The following GATAD2A variants were observed in gnomAD, a reference collection of about 807,000 sequenced individuals.
GATAD2A encodes the protein transcriptional repressor p66-alpha.
GATAD2A carries 12 observed loss-of-function variants against 68.5 expected under a neutral mutation model. The observed-to-expected ratio is 0.18, with a 90% CI of 0.11 to 0.28. GATAD2A has a LOEUF of 0.28. GATAD2A is among the 10% of genes least tolerant of loss of function. GATAD2A has a pLI of 1.00. For synonymous variants in GATAD2A, 410 were observed against 375.3 expected (o/e 1.09, Z -1.07); for missense variants, 755 against 868.5 (o/e 0.87, Z 1.64).
At chr19:19,456,026 C>T (rs1207630059) in intron 1 of GATAD2A, among the ~76,000 whole-genome samples, 1 of 151,376 alleles carries the variant, frequency 6.6e-6, no homozygotes, top group Non-Finnish European at 1.5e-5. Context: ...TGGTGGTGGG[C>T]GCCTGTAGTC....
At chr19:19,424,149 C>G (rs922513543) in intron 1 of GATAD2A, among the ~76,000 whole-genome samples, 2 of 152,174 alleles carry the variant, frequency 1.3e-5, no homozygotes, top group South Asian at 4.1e-4. Flanking sequence ...GTCTTAAACT[C>G]TTGGGCTCAA....
At chr19:19,454,617 T>C (rs1269713594) in intron 1 of GATAD2A, among the ~76,000 whole-genome samples, 1 of 151,580 alleles carries the variant, frequency 6.6e-6, no homozygotes, top group African/African-American at 2.4e-5. Flanking sequence ...AAAAAATTTA[T>C]TGGAGACGAA....
rs750177518 is a variant in GATAD2A, at chr19:19,465,539, A to AGGCCAC, written c.200_205dup (p.Thr67_Ala68dup). 5 of 1,613,886 alleles carry AGGCCAC rather than the reference A, an allele frequency of 3.1e-6. No homozygotes were observed. Among genetic ancestry groups the AGGCCAC allele is most frequent in the South Asian group, 2.2e-5 (2 of 91,084 alleles). On this transcript the variant is annotated inframe_insertion, in exon 2 of 12. Coordinates refer to ENST00000683918, the MANE Select transcript of GATAD2A (RefSeq NM_001384528.1). The stretch of plus-strand genomic sequence containing the variant: ...ACCCAAGGATTGCTGAGGGCAACAG[A>AGGCCAC]GGCCACGGCCATGGCCATGGGCAGA...
At chr19:19,416,880 A>C (rs537705128) in intron 1 of GATAD2A, among the ~76,000 whole-genome samples, 2 of 147,722 alleles carry the variant, frequency 1.4e-5, no homozygotes, top group East Asian at 2.0e-4. Context: ...TCCTGCCTCA[A>C]CCTCCCAAGT....
At chr19:19,395,001 C>T (rs1340680655) in intron 1 of GATAD2A, among the ~76,000 whole-genome samples, 1 of 152,088 alleles carries the variant, frequency 6.6e-6, no homozygotes, top group Non-Finnish European at 1.5e-5. Context: ...AGAGGCAGGC[C>T]CAGGCCGGAA....
chr19:19,467,997 G>A (rs1049964515), intron 2 of GATAD2A, among the ~76,000 whole-genome samples: 1 of 152,208 alleles, frequency 6.6e-6, no homozygotes, highest in African/African-American at 2.4e-5. Flanking sequence ...ATTGAGGGTG[G>A]AGGGCAACTT....
intron 1 of GATAD2A, among the ~76,000 whole-genome samples, chr19:19,438,170 G>A (rs1012083791): frequency 6.6e-6 from 1 of 152,196 alleles, no homozygotes; most frequent in African/African-American, 2.4e-5. Context: ...ACTATTTGGG[G>A]GATGTCAGGC....
At chr19:19,412,833 G>C (rs2051127994) in intron 1 of GATAD2A, among the ~76,000 whole-genome samples, 1 of 152,114 alleles carries the variant, frequency 6.6e-6, no homozygotes, top group African/African-American at 2.4e-5. Flanking sequence ...CCTCGGAGGT[G>C]GGCAGGTTTT....
At chr19:19,403,561 TA>T (rs375757555), upstream of GATAD2A, among the ~76,000 whole-genome samples, 225 of 143,940 alleles carry the variant, frequency 1.6e-3, no homozygotes, top group Middle Eastern at 3.5e-3. Flanking sequence ...GCCTCCCTCT[TA>T]AAAAAAAAAA....
chr19:19,413,993 A>G (rs1483544176), intron 1 of GATAD2A, among the ~76,000 whole-genome samples: 1 of 151,912 alleles, frequency 6.6e-6, no homozygotes, highest in Non-Finnish European at 1.5e-5. Context: ...TCAAGTTTTT[A>G]GTGTTGAGTC....
upstream of GATAD2A, among the ~76,000 whole-genome samples, chr19:19,400,959 G>T (rs1186825752): frequency 6.6e-6 from 1 of 151,880 alleles, no homozygotes; most frequent in Non-Finnish European, 1.5e-5. Flanking sequence ...TGGCTAACAT[G>T]GCGAAACCCT....
rs572881650 is a variant in GATAD2A at position 19,482,299 on chromosome 19, G to C, written c.270-10007G>C. ...GGCGCCTGTAGTCCCAGTTACTGGA[G>C]AGACTGAGGCCGGAGAATCACTTGA... On this transcript the variant is annotated intron_variant, in intron 2 of 11. Coordinates refer to ENST00000683918, the MANE Select transcript of GATAD2A (RefSeq NM_001384528.1). Among the ~76,000 whole-genome samples, 11 of 152,334 alleles carry C rather than the reference G, an allele frequency of 7.2e-5. 1 individual carries two copies. The highest frequency in any genetic ancestry group is 2.2e-4 in the African/African-American group (9 of 41,580).
intron 1 of GATAD2A, among the ~76,000 whole-genome samples, chr19:19,419,356 G>A (rs777338865): frequency 6.6e-6 from 1 of 152,144 alleles, no homozygotes; most frequent in Admixed American, 6.5e-5. Flanking sequence ...GGACTCAGAG[G>A]CCAGGTGGCT....
In GATAD2A at chr19:19,502,473, G is replaced by A. The variant is rs1181875390; in HGVS notation, c.1721G>A (p.Ser574Asn). The A allele has an allele frequency of 6.2e-7, 1 of 1,613,596 alleles. No individual in the cohort carries two copies. Among genetic ancestry groups the A allele is most frequent in the African/African-American group, 1.3e-5 (1 of 75,058 alleles). Residue 574 changes from serine (S) to asparagine (N), a missense_variant, in exon 11 of 12, where the codon AGC becomes AAC. By Grantham distance (46) the Ser-to-Asn change is conservative. Coordinates refer to ENST00000683918, the MANE Select transcript of GATAD2A (RefSeq NM_001384528.1). ...RTGRHSERTVSAGKGSATSNW... is the reference protein window; with the variant it reads ...RTGRHSERTVNAGKGSATSNW... ...GGCAGACATTCTGAGAGAACCGTGA[G>A]CGCCGGCAAGGGCAGCGCCACCTCC...
chr19:19,436,249 A>ACCTTCCTTCCAC, intron 1 of GATAD2A: 1 of 1,230,856 alleles, frequency 8.1e-7, no homozygotes, highest in Non-Finnish European at 1.1e-6. Context: ...TGTCTGTGGA[A>ACCTTCCTTCCAC]GGAAGGTTCC....
intron 1 of GATAD2A, chr19:19,440,176 G>A (rs1379537374): frequency 2.4e-6 from 1 of 416,318 alleles, no homozygotes; most frequent in Admixed American, 2.8e-5. Context: ...AAAGAACAAT[G>A]TAAAGGAAGA....
intron 1 of GATAD2A, among the ~76,000 whole-genome samples, chr19:19,414,130 C>A (rs2051289853): frequency 1.3e-5 from 2 of 152,182 alleles, no homozygotes; most frequent in South Asian, 4.2e-4. Flanking sequence ...TTTTCTTGGG[C>A]AAGTATATTA....
chr19:19,401,130 ACT>A (rs933176396), upstream of GATAD2A, among the ~76,000 whole-genome samples: 5 of 124,196 alleles, frequency 4.0e-5, no homozygotes, highest in African/African-American at 6.4e-5. Context: ...AACGAGCGAG[ACT>A]CTGTCTCAAA....
At chr19:19,460,812 A>G (rs1018264148) in intron 1 of GATAD2A, among the ~76,000 whole-genome samples, 1 of 152,112 alleles carries the variant, frequency 6.6e-6, no homozygotes, top group African/African-American at 2.4e-5. Flanking sequence ...TCCTCCAGCC[A>G]GGTGATCCTT....
Sources: gnomAD v4.1 joint callset for allele counts (sites outside exome capture counted in the v4.1 genomes callset) on GRCh38, gnomAD v4.1.1 for gene constraint, MANE v1.5 for transcripts, NCBI Gene and HGNC (gene_info 2026-07-23, HGNC 2026-07-21) for gene names.